DNAH9: variants seen among roughly 807,000 people sequenced by gnomAD.
The protein encoded by DNAH9 is DNAH9 variant protein.
Under a neutral mutation model 471.6 loss-of-function variants are expected in DNAH9, and 345 were observed. That is an observed-to-expected ratio of 0.73 (90% CI 0.67 to 0.80). The LOEUF is 0.80. DNAH9 is among the 30% of genes least tolerant of loss of function. DNAH9 has a pLI of 0.00. For synonymous variants in DNAH9, 2,093 were observed against 2,123.6 expected, an observed-to-expected ratio of 0.99 and a Z score of 0.40; for missense variants, 5,407 against 5,609.2, an observed-to-expected ratio of 0.96 and a Z score of 1.15.
intron 38 of DNAH9, among the ~76,000 whole-genome samples, chr17:11,772,410 T>C (rs559556318): frequency 6.6e-6 from 1 of 152,310 alleles, no homozygotes; most frequent in East Asian, 1.9e-4. Context: ...ATTCTCACTC[T>C]GGATCTCTCA....
In DNAH9 at chr17:11,632,647, G is replaced by A; in HGVS notation, c.1579G>A (p.Gly527Arg). 3 of 1,612,250 alleles carry A rather than the reference G, an allele frequency of 1.9e-6. No homozygotes were observed. Among genetic ancestry groups the A allele is most frequent in the Non-Finnish European group, 1.7e-6 (2 of 1,178,390 alleles). The change falls in exon 8 of 69, where the codon GGG becomes AGG. Residue 527 changes from glycine (G) to arginine (R), a missense_variant. Physicochemically the swap from Gly to Arg is moderately radical, Grantham distance 125. Around this residue, in one of 3 missense-constraint regions of DNAH9, gnomAD observed 767 missense variants for 692.5 expected, o/e 1.11. Transcript: ENST00000262442. ...QKVEDLDRRL[G>R]TIFIQAFDDA... ...AGTAGAAGATCTTGACCGAAGATTG[G>A]GGACTATCTTTATTCAAGCTTTTGA...
At chr17:11,774,945 AATC>A (rs76614751) in intron 38 of DNAH9, among the ~76,000 whole-genome samples, 21,415 of 152,112 alleles carry the variant, frequency 0.14, 1,973 homozygotes, top group African/African-American at 0.27. Context: ...TACATCATGA[AATC>A]ATCATAATTG....
intron 38 of DNAH9, among the ~76,000 whole-genome samples, chr17:11,779,552 G>A (rs1968592581): frequency 1.3e-5 from 2 of 152,068 alleles, no homozygotes; most frequent in Admixed American, 1.3e-4. Context: ...TCTCCTCAAC[G>A]ATCCTTTTAA....
At chr17:11,883,882 G>A (rs1213081803) in intron 56 of DNAH9, 132 bp downstream of exon 56, 3 of 1,044,236 alleles carry the variant, frequency 2.9e-6, no homozygotes, top group African/African-American at 3.2e-5. Flanking sequence ...GTCTTAGCAA[G>A]GTTCTTCTAG....
At chr17:11,810,115 TC>T (rs1252659645) in intron 44 of DNAH9, 130 bp from the exon 45 acceptor site, 1 of 1,150,366 alleles carries the variant, frequency 8.7e-7, no homozygotes, top group Non-Finnish European at 1.2e-6. Flanking sequence ...TCCCCCAGCT[TC>T]CCATTGTCAC....
intron 29 of DNAH9, among the ~76,000 whole-genome samples, chr17:11,740,626 A>G (rs1295237384): frequency 6.6e-6 from 1 of 152,018 alleles, no homozygotes; most frequent in Non-Finnish European, 1.5e-5. Flanking sequence ...AAATAAACAT[A>G]TTTTTCAAAA....
At position 11,797,334 on chromosome 17, in the gene DNAH9, G is replaced by A. The variant is rs34048920; in HGVS notation, c.8224-263G>A. 3.1e-3 allele frequency among the ~76,000 whole-genome samples: 478 copies of A among 152,182 alleles called. 2 individuals are homozygous for A. Among genetic ancestry groups the A allele is most frequent in the Non-Finnish European group, 5.0e-3 (338 of 67,998 alleles). ...CTTCTCACAGAAGCACTCTCTTACC[G>A]TGCTTGTGAGGAGGCCCCATCCCAC... On this transcript the variant is annotated intron_variant, in intron 42 of 68. Transcript: ENST00000262442.
At chr17:11,762,766 T>TTTTTGTTTG (rs777342371) in intron 35 of DNAH9, among the ~76,000 whole-genome samples, 8 of 87,318 alleles carry the variant, frequency 9.2e-5, no homozygotes, top group South Asian at 3.8e-4. Flanking sequence ...GCGTTTTTTT[T>TTTTTGTTTG]TTTGTTTTTT....
intron 4 of DNAH9, among the ~76,000 whole-genome samples, chr17:11,614,405 T>C (rs1032085980): frequency 4.6e-5 from 7 of 152,030 alleles, no homozygotes; most frequent in Admixed American, 2.0e-4. Flanking sequence ...AGGAACCCGA[T>C]TGTATGAAGT....
rs2072979471 is a variant in DNAH9 at position 11,626,888 on chromosome 17, A to C, written c.1351-2529A>C. Among the ~76,000 whole-genome samples the C allele has an allele frequency of 6.6e-6, 1 of 152,140 alleles. No individual in the cohort carries two copies. Among genetic ancestry groups the C allele is most frequent in the Non-Finnish European group, 1.5e-5 (1 of 68,036 alleles). ...GCAAGTCAAAGAACAAACAGCATAC[A>C]TTCTTTCACTCAACAAATGTGTTCA... On this transcript the variant is annotated intron_variant, in intron 6 of 68. Transcript: ENST00000262442. The surrounding 1 kb of genome is among the most constrained non-coding windows in gnomAD (Gnocchi z 4.3).
intron 67 of DNAH9, among the ~76,000 whole-genome samples, chr17:11,952,026 A>G (rs1449880126): frequency 1.3e-5 from 2 of 152,070 alleles, no homozygotes; most frequent in African/African-American, 2.4e-5. Context: ...CAGATACAGA[A>G]TGTCTTTGCC....
chr17:11,779,918 A>G (rs938995894), intron 38 of DNAH9, among the ~76,000 whole-genome samples: 3 of 152,328 alleles, frequency 2.0e-5, no homozygotes, highest in Admixed American at 1.3e-4. Flanking sequence ...GAACTTGTCT[A>G]TCTGTCACCT....
In DNAH9 at chr17:11,624,317, T is replaced by C. The variant is rs573381389; in HGVS notation, c.1350+4536T>C. Among the ~76,000 whole-genome samples, 5 of 152,278 alleles carry C rather than the reference T, an allele frequency of 3.3e-5. No individual in the cohort carries two copies. The East Asian group carries it at 7.7e-4, about 24-fold the overall frequency. On this transcript the variant is annotated intron_variant, in intron 6 of 68. Transcript: ENST00000262442. ...TGAGGTCAGGAGTTTGAGACAAGCC[T>C]GGCCAACATGGTGAAACCCTGTCTC...
intron 6 of DNAH9, among the ~76,000 whole-genome samples, chr17:11,621,484 G>A (rs951064194): frequency 2.0e-5 from 3 of 151,780 alleles, no homozygotes; most frequent in African/African-American, 7.3e-5. Context: ...GCTGTCATGA[G>A]CAGGTTTGGA....
Position 11,654,355 on chromosome 17 carries a change from C to CAAAAA in DNAH9, c.2595+1372_2595+1376dup, listed in dbSNP as rs527835262. Among the ~76,000 whole-genome samples the CAAAAA allele has an allele frequency of 1.5e-3, 17 of 11,258 alleles. 3 individuals carry two copies. The highest frequency in any genetic ancestry group is 4.9e-3 in the Non-Finnish European group (6 of 1,232). The allele number at this position is 11,258 out of a possible 152,430, so 7.4% of individuals were successfully genotyped here. The stretch of plus-strand genomic sequence containing the variant: ...TGGGCCACAGAGCGAGACTCCGTCT[C>CAAAAA]AAAAAAAAAAAAAAAAAAAAAAAGT... On this transcript the variant is annotated intron_variant, in intron 14 of 68. Coordinates refer to ENST00000262442, the MANE Select transcript of DNAH9 (RefSeq NM_001372.4).
intron 68 of DNAH9, among the ~76,000 whole-genome samples, chr17:11,963,952 TCA>T (rs1176806174): frequency 6.6e-6 from 1 of 152,126 alleles, no homozygotes. Context: ...CCAGCAACCA[TCA>T]GAAGCTAGGA....
chr17:11,771,633 T>A (rs1055490884), intron 38 of DNAH9, among the ~76,000 whole-genome samples: 1 of 152,202 alleles, frequency 6.6e-6, no homozygotes, highest in Non-Finnish European at 1.5e-5. Flanking sequence ...CTGGCTAATT[T>A]AAATCTTAGC....
chr17:11,827,607 T>C (rs1749127658), intron 48 of DNAH9, among the ~76,000 whole-genome samples: 1 of 152,074 alleles, frequency 6.6e-6, no homozygotes, highest in Admixed American at 6.6e-5. Context: ...CATTTGACAG[T>C]TCGACCTGAA....
At chr17:11,666,817 C>T (rs930106903) in intron 15 of DNAH9, among the ~76,000 whole-genome samples, 18 of 152,204 alleles carry the variant, frequency 1.2e-4, no homozygotes, top group Admixed American at 1.0e-3. Context: ...GAACACTCAC[C>T]TTGCACTGTT....
Sources: gnomAD v4.1 joint callset for allele counts (sites outside exome capture counted in the v4.1 genomes callset) on GRCh38, gnomAD v4.1.1 for gene constraint, gnomAD v4.1.1 regional missense constraint, Gnocchi (gnomAD v3.1) non-coding constraint, MANE v1.5 for transcripts, NCBI Gene and HGNC (gene_info 2026-07-23, HGNC 2026-07-21) for gene names.